The following TENM2 variants were observed in gnomAD, a reference collection of about 807,000 sequenced individuals.
The protein encoded by TENM2 is teneurin-2.
In TENM2, 52 loss-of-function variants were observed where a neutral mutation model predicts 245.2. That is an observed-to-expected ratio of 0.21 (90% CI 0.17 to 0.27). TENM2 has a LOEUF of 0.27. TENM2 is among the 10% of genes least tolerant of loss of function. The probability of loss-of-function intolerance (pLI) is 1.00; values close to 1 mark genes in which losing one functional copy is unlikely to be tolerated. For missense variants in TENM2, 3,046 were observed against 3,666.8 expected, an observed-to-expected ratio of 0.83 and a Z score of 4.37; for synonymous variants, 1,363 against 1,438.9, an observed-to-expected ratio of 0.95 and a Z score of 1.19.
chr5:168,003,972 A>C (rs1253352678), intron 5 of TENM2, among the ~76,000 whole-genome samples: 2 of 152,196 alleles, frequency 1.3e-5, no homozygotes, highest in Non-Finnish European at 2.9e-5. Context: ...ATTGATCTCC[A>C]CGTAATTCAG....
At chr5:167,209,767 C>T in the TENM2 span, among the ~76,000 whole-genome samples, 2 of 152,132 alleles carry the variant, frequency 1.3e-5, no homozygotes. Context: ...CAGGGAAAAT[C>T]CTGACTGCTA....
At chr5:167,641,191 T>C (rs1005907483) in intron 2 of TENM2, among the ~76,000 whole-genome samples, 1 of 151,998 alleles carries the variant, frequency 6.6e-6, no homozygotes, top group Non-Finnish European at 1.5e-5. Context: ...TAGAAGTTCA[T>C]TGCAAAACCT....
At chr5:167,897,152 G>A (rs1775288823) in intron 3 of TENM2, among the ~76,000 whole-genome samples, 1 of 152,212 alleles carries the variant, frequency 6.6e-6, no homozygotes, top group South Asian at 2.1e-4. Context: ...TAGAATATGA[G>A]TAAGGGCTGA....
intron 1 of TENM2, among the ~76,000 whole-genome samples, chr5:167,368,579 A>G (rs986443073): frequency 6.6e-6 from 1 of 152,178 alleles, no homozygotes; most frequent in Non-Finnish European, 1.5e-5. Flanking sequence ...ATATTACATT[A>G]TGAAACCCTG....
chr5:167,113,249 A>G, the TENM2 span, among the ~76,000 whole-genome samples: 1 of 152,172 alleles, frequency 6.6e-6, no homozygotes, highest in Non-Finnish European at 1.5e-5. Context: ...TGAGAGCTGC[A>G]AAGGGAATCA....
chr5:167,510,228 G>C (rs918679748), intron 2 of TENM2, among the ~76,000 whole-genome samples: 2 of 152,160 alleles, frequency 1.3e-5, no homozygotes, highest in Non-Finnish European at 2.9e-5. Context: ...ACTCTCTGAA[G>C]TTTTCAAGTT....
chr5:167,728,340 C>T (rs908810445), intron 2 of TENM2, among the ~76,000 whole-genome samples: 1 of 151,882 alleles, frequency 6.6e-6, no homozygotes, highest in East Asian at 1.9e-4. Context: ...TGATGGCTCA[C>T]GCCTGTAATC....
At chr5:167,511,328 G>T (rs774569652) in intron 2 of TENM2, among the ~76,000 whole-genome samples, 2 of 152,042 alleles carry the variant, frequency 1.3e-5, no homozygotes, top group African/African-American at 4.8e-5. Context: ...AAGGTAAAAC[G>T]TGAGGCCTTT....
rs114650091 is a variant in TENM2 at position 167,732,477 on chromosome 5, T to G, written c.503-143509T>G. Among the ~76,000 whole-genome samples, 1,066 of 152,314 alleles carry G rather than the reference T, an allele frequency of 7.0e-3. 11 individuals carry two copies. The highest frequency in any genetic ancestry group is 0.024 in the African/African-American group (1,017 of 41,574). On this transcript the variant is annotated intron_variant, in intron 2 of 28. Transcript: ENST00000518659. ...AAGAAAAGAACTGGATACATTATTG[T>G]TTTTAAGAAAACTTAAAAGATGATA... is the stretch of plus-strand genomic sequence containing the variant.
intron 7 of TENM2, among the ~76,000 whole-genome samples, chr5:168,064,195 C>A (rs1460083813): frequency 6.6e-6 from 1 of 152,122 alleles, no homozygotes; most frequent in Non-Finnish European, 1.5e-5. Flanking sequence ...AGAAGTTATG[C>A]AAATTGTTAA....
At chr5:166,987,433 GT>G in the TENM2 span, among the ~76,000 whole-genome samples, 2 of 151,822 alleles carry the variant, frequency 1.3e-5, no homozygotes, top group African/African-American at 4.8e-5. Context: ...GTGTGTGTGT[GT>G]GTGTGTGTGT....
At chr5:167,903,981 G>C (rs1042142310) in intron 3 of TENM2, among the ~76,000 whole-genome samples, 1 of 152,142 alleles carries the variant, frequency 6.6e-6, no homozygotes, top group East Asian at 1.9e-4. Flanking sequence ...AATTGAAATG[G>C]GGGACTAGTT....
At chr5:167,665,157 A>G (rs1291724871) in intron 2 of TENM2, among the ~76,000 whole-genome samples, 2 of 152,154 alleles carry the variant, frequency 1.3e-5, no homozygotes, top group Non-Finnish European at 2.9e-5. Context: ...ACTCTTCTGA[A>G]TCTCTGTTTC....
the TENM2 span, among the ~76,000 whole-genome samples, chr5:166,989,412 A>C: frequency 6.6e-5 from 10 of 151,820 alleles, 1 homozygote; most frequent in Non-Finnish European, 1.5e-5. Context: ...GACACACACC[A>C]TTATGCCCAG....
Position 167,702,552 on chromosome 5 carries a change from G to GTGTGTATATA in TENM2, c.503-173433_503-173432insGTGTATATAT, listed in dbSNP as rs58351767. Among the ~76,000 whole-genome samples the GTGTGTATATA allele has an allele frequency of 2.0e-4, 27 of 136,780 alleles. 1 individual carries two copies. The East Asian group carries it at 3.4e-3, about 17-fold the overall frequency. The allele number at this position is 136,780 out of a possible 152,430, so 89.7% of individuals were successfully genotyped here. The stretch of plus-strand genomic sequence containing the variant: ...TATGTATGTATGTATGTGTGTGTGT[G>GTGTGTATATA]TATATATATATATATATATACATAT... On this transcript the variant is annotated intron_variant, in intron 2 of 28. Transcript: ENST00000518659.
At chr5:167,742,518 C>T (rs1761252969) in intron 2 of TENM2, among the ~76,000 whole-genome samples, 1 of 152,052 alleles carries the variant, frequency 6.6e-6, no homozygotes, top group Non-Finnish European at 1.5e-5. Flanking sequence ...TTAGCAGCTC[C>T]TATCAGAAAC....
At chr5:168,004,517 G>GCGCGCGCGCACACACACACA (rs898616203) in intron 5 of TENM2, among the ~76,000 whole-genome samples, 1 of 132,152 alleles carries the variant, frequency 7.6e-6, no homozygotes, top group African/African-American at 3.0e-5. Flanking sequence ...GCGCGCGCGC[G>GCGCGCGCGCACACACACACA]CACACACACA....
chr5:168,182,056 C>G (rs1477367577), intron 13 of TENM2, among the ~76,000 whole-genome samples: 1 of 152,164 alleles, frequency 6.6e-6, no homozygotes, highest in Non-Finnish European at 1.5e-5. Flanking sequence ...GACGGTTCAT[C>G]AGGCAGCCAG....
At chr5:167,678,154 T>G (rs1756460678) in intron 2 of TENM2, among the ~76,000 whole-genome samples, 1 of 152,128 alleles carries the variant, frequency 6.6e-6, no homozygotes, top group Admixed American at 6.6e-5. Flanking sequence ...TGCCATAAAA[T>G]TATGACTGTC....
Sources: allele counts gnomAD v4.1 joint callset (sites outside exome capture counted in the v4.1 genomes callset), GRCh38; gene constraint gnomAD v4.1.1; transcripts MANE v1.5; gene names NCBI Gene and HGNC (gene_info 2026-07-23, HGNC 2026-07-21).